Variants in TNFSF10 observed in about 807,000 individuals in gnomAD.
TNFSF10 encodes the protein TNF superfamily member 10, also known as tumor necrosis factor ligand superfamily member 10.
In TNFSF10, 13 loss-of-function variants were observed where a neutral mutation model predicts 29.5. The observed-to-expected ratio is 0.44, with a 90% CI of 0.29 to 0.70. The LOEUF (loss-of-function observed/expected upper bound fraction) is 0.70. TNFSF10 is among the 30% of genes least tolerant of loss of function. The probability of loss-of-function intolerance (pLI) is 0.13; values close to 1 mark genes in which losing one functional copy is unlikely to be tolerated. For synonymous variants in TNFSF10, 111 were observed against 112.8 expected, an observed-to-expected ratio of 0.98 and a Z score of 0.10; for missense variants, 345 against 330.9, an observed-to-expected ratio of 1.04 and a Z score of -0.33.
At chr3:172,517,579 G>T in intron 1 of TNFSF10, 1 of 985,170 alleles carries the variant, frequency 1.0e-6, no homozygotes, top group South Asian at 4.7e-5. Flanking sequence ...ACCACTAATA[G>T]CAGCTATATT....
At chr3:172,507,473 A>C (rs958162846) in intron 4 of TNFSF10, 1 of 152,200 alleles carries the variant, frequency 6.6e-6, no homozygotes, top group African/African-American at 2.4e-5. Context: ...ATAGAGGCAC[A>C]AAGTTGGCAA....
Position 172,505,791 on chromosome 3 carries a change from A to C in TNFSF10, c.*701T>G, listed in dbSNP as rs1475623503. 1 of 144,176 alleles carries C rather than the reference A, an allele frequency of 6.9e-6. No individual in the cohort carries two copies. The highest frequency in any genetic ancestry group is 1.5e-5 in the Non-Finnish European group (1 of 67,216). The allele number at this position is 144,176 out of a possible 1,614,324, so 8.9% of individuals were successfully genotyped here. On this transcript the variant is annotated 3_prime_UTR_variant, in exon 5 of 5. Coordinates refer to ENST00000241261, the MANE Select transcript of TNFSF10 (RefSeq NM_003810.4). ...CGCCAGGCTGGAGTGTAGTGGCATG[A>C]TCTCACCACACTGCAACCTCTGCCT...
intron 3 of TNFSF10, 40 bp from the exon 4 acceptor site, chr3:172,509,361 ACTAGTT>A: frequency 6.5e-7 from 1 of 1,541,104 alleles, no homozygotes; most frequent in South Asian, 1.1e-5. Context: ...CACTTGCCAA[ACTAGTT>A]CTCCAATACC....
intron 3 of TNFSF10, 96 bp downstream of exon 3, chr3:172,511,521 G>C: frequency 2.0e-6 from 2 of 999,416 alleles, no homozygotes; most frequent in East Asian, 5.3e-5. Flanking sequence ...GGATGGATGA[G>C]TGGATGAGAA....
intron 1 of TNFSF10, among the ~76,000 whole-genome samples, chr3:172,515,866 A>G (rs1713408542): frequency 6.7e-6 from 1 of 149,534 alleles, no homozygotes; most frequent in Non-Finnish European, 1.5e-5. Context: ...AAACAAAGCC[A>G]GAAGGGTTTT....
intron 1 of TNFSF10, chr3:172,517,723 T>A (rs1429046263): frequency 4.1e-6 from 4 of 984,894 alleles, no homozygotes; most frequent in Non-Finnish European, 4.8e-6. Context: ...TAAATCTGTA[T>A]GAAAATTATA....
Position 172,514,887 on chromosome 3 carries a change from A to C in TNFSF10, c.244T>G (p.Trp82Gly). 4 of 1,614,216 alleles carry C rather than the reference A, an allele frequency of 2.5e-6. No homozygotes were observed. The highest frequency in any genetic ancestry group is 1.1e-5 in the South Asian group (1 of 91,088). The part of the protein sequence containing the change: ...SMNSPCWQVK[W>G]QLRQLVRKMI... ...TTTCTAACGAGCTGACGGAGTTGCC[A>C]CTTGACTTGCCAGCAGGGGCTGTTC... is the stretch of plus-strand genomic sequence containing the variant. The change falls in exon 2 of 5, where the codon TGG becomes GGG. Residue 82 changes from tryptophan to glycine, a missense_variant. Coordinates refer to ENST00000241261, the MANE Select transcript of TNFSF10 (RefSeq NM_003810.4).
intron 1 of TNFSF10, among the ~76,000 whole-genome samples, chr3:172,520,150 T>C (rs1478523495): frequency 6.6e-6 from 1 of 152,244 alleles, no homozygotes; most frequent in East Asian, 1.9e-4. Context: ...ATATTAGAAG[T>C]CAAAAACTGA....
intron 1 of TNFSF10, among the ~76,000 whole-genome samples, chr3:172,516,060 A>G (rs541728337): frequency 2.6e-5 from 4 of 152,302 alleles, no homozygotes; most frequent in African/African-American, 9.6e-5. Flanking sequence ...CAGGAGATCG[A>G]GACCATCCTG....
At chr3:172,509,150 A>G in intron 4 of TNFSF10, 67 bp downstream of exon 4, 1 of 1,370,240 alleles carries the variant, frequency 7.3e-7, no homozygotes, top group South Asian at 1.3e-5. Flanking sequence ...ATTCTTTAAA[A>G]AATAAGTTAC....
rs1173011710 is a variant in TNFSF10 at position 172,506,877 on chromosome 3, CAGG to C, written c.458_460del (p.Ser153del). On this transcript the variant is annotated inframe_deletion, in exon 5 of 5. Coordinates refer to ENST00000241261, the MANE Select transcript of TNFSF10 (RefSeq NM_003810.4). ...TGAATGCCCACTCCTTGATGATTCC[CAGG>C]AGTTTATTTTGCGGCCCAGAGCCTT... is the stretch of plus-strand genomic sequence containing the variant. The C allele has an allele frequency of 1.2e-6, 2 of 1,613,520 alleles. No individual in the cohort carries two copies. The highest frequency in any genetic ancestry group is 2.7e-5 in the African/African-American group (2 of 74,864).
At chr3:172,516,502 A>C (rs887263305) in intron 1 of TNFSF10, among the ~76,000 whole-genome samples, 6 of 152,214 alleles carry the variant, frequency 3.9e-5, no homozygotes, top group African/African-American at 1.4e-4. Flanking sequence ...ACCCTTGGAC[A>C]TTTGGCCAAG....
chr3:172,506,980 C>T (rs3136610), intron 4 of TNFSF10, 61 bp from the exon 5 acceptor site: 1 of 154,082 alleles, frequency 6.5e-6, no homozygotes, highest in Non-Finnish European at 8.7e-6. Context: ...AAGCAAGGAG[C>T]TTTTTTGCAG....
At chr3:172,509,044 G>A in intron 4 of TNFSF10, 173 bp downstream of exon 4, 2 of 435,880 alleles carry the variant, frequency 4.6e-6, no homozygotes, top group Non-Finnish European at 7.9e-6. Flanking sequence ...CAATAATTGA[G>A]CTGTTTGTCT....
chr3:172,506,991 C>G (rs1713016029), intron 4 of TNFSF10, 72 bp from the exon 5 acceptor site: 1 of 1,339,954 alleles, frequency 7.5e-7, no homozygotes, highest in African/African-American at 1.5e-5. Context: ...TTTTTTGCAG[C>G]TGTGGCCAGC....
intron 1 of TNFSF10, 124 bp downstream of exon 1, chr3:172,523,121 AGCAGTTAG>A (rs1354518088): frequency 1.8e-6 from 2 of 1,114,998 alleles, no homozygotes; most frequent in Admixed American, 2.9e-5. Flanking sequence ...TATGTGATTT[AGCAGTTAG>A]AGTGTACCCA....
intron 1 of TNFSF10, chr3:172,517,421 CATT>C (rs1713480617): frequency 1.0e-6 from 1 of 984,874 alleles, no homozygotes; most frequent in Non-Finnish European, 1.2e-6. Context: ...AATGTAGCTA[CATT>C]ATTACCCAGG....
At chr3:172,516,980 A>C (rs555047001) in intron 1 of TNFSF10, among the ~76,000 whole-genome samples, 2 of 152,248 alleles carry the variant, frequency 1.3e-5, no homozygotes, top group Non-Finnish European at 2.9e-5. Flanking sequence ...GGCTCTGGCC[A>C]AGCTTCGGTT....
rs1430684015 is a variant in TNFSF10 at position 172,514,904 on chromosome 3, G to A, written c.227C>T (p.Pro76Leu). The A allele has an allele frequency of 2.5e-6, 4 of 1,614,064 alleles. No homozygotes were observed. The highest frequency in any genetic ancestry group is 2.2e-5 in the East Asian group (1 of 44,886). Residue 76 changes from proline (P) to leucine (L), a missense_variant, in exon 2 of 5, where the codon CCC (proline) becomes CTC (leucine). Transcript: ENST00000241261. ...GAGTTGCCACTTGACTTGCCAGCAG[G>A]GGCTGTTCATACTCTCTTCGTCATT... ...DPNDEESMNS[P>L]CWQVKWQLRQ...
Sources: allele counts gnomAD v4.1 joint callset (sites outside exome capture counted in the v4.1 genomes callset), GRCh38; gene constraint gnomAD v4.1.1; transcripts MANE v1.5; gene names NCBI Gene and HGNC (gene_info 2026-07-23, HGNC 2026-07-21).